Variants in CARMIL1 observed in about 807,000 individuals in gnomAD.
CARMIL1 encodes the protein capping protein regulator and myosin 1 linker 1.
In CARMIL1, 90 loss-of-function variants were observed where a neutral mutation model predicts 177.1. That is an observed-to-expected ratio of 0.51 (90% CI 0.43 to 0.61). The LOEUF (loss-of-function observed/expected upper bound fraction) is 0.61, where lower values mean the gene tolerates loss of function less well. Ranked by LOEUF, CARMIL1 falls within the 20% of genes least tolerant of loss-of-function variation. The pLI, the probability that CARMIL1 is intolerant of heterozygous loss-of-function variation, is 0.00. For missense variants in CARMIL1, 1,380 were observed against 1,667.0 expected (o/e 0.83, Z 3.00); for synonymous variants, 577 against 606.2 (o/e 0.95, Z 0.71).
chr6:25,535,560 T>C (rs1808211058), intron 24 of CARMIL1, among the ~76,000 whole-genome samples: 1 of 152,170 alleles, frequency 6.6e-6, no homozygotes, highest in African/African-American at 2.4e-5. Context: ...TGTATTGCTT[T>C]AGAGAAACTG....
chr6:25,452,444 A>G (rs1196506106), intron 8 of CARMIL1: 7 of 500,962 alleles, frequency 1.4e-5, no homozygotes, highest in Non-Finnish European at 2.5e-5. Context: ...GTTTGGTCTC[A>G]GCGTTTTTGG....
chr6:25,326,799 AAGG>A lies in CARMIL1; in HGVS notation c.138+41893_138+41895del, dbSNP rs943207070. On this transcript the variant is annotated intron_variant, in intron 2 of 36. Coordinates refer to ENST00000329474, the MANE Select transcript of CARMIL1 (RefSeq NM_017640.6). The surrounding 1 kb of genome is among the most constrained non-coding windows in gnomAD (Gnocchi z 4.2). The stretch of plus-strand genomic sequence containing the variant: ...CTTTTGTATATGGGAGCTGAGGAAA[AAGG>A]AGAAATCAGAAATATTATTATTATT... 2.7e-4 allele frequency among the ~76,000 whole-genome samples: 41 copies of A among 152,094 alleles called. No individual in the cohort carries two copies. Among genetic ancestry groups the A allele is most frequent in the African/African-American group, 9.4e-4 (39 of 41,456 alleles).
At chr6:25,592,041 T>G (rs537284794) in intron 31 of CARMIL1, among the ~76,000 whole-genome samples, 33 of 151,582 alleles carry the variant, frequency 2.2e-4, no homozygotes, top group Non-Finnish European at 4.6e-4. Flanking sequence ...AAAACTTTGT[T>G]TTTTTTTTGT....
At chr6:25,429,235 A>G (rs1002323517) in intron 4 of CARMIL1, among the ~76,000 whole-genome samples, 3 of 152,176 alleles carry the variant, frequency 2.0e-5, no homozygotes, top group African/African-American at 7.2e-5. Flanking sequence ...TAGATTTCCA[A>G]TGTCCAAGGG....
At chr6:25,359,704 T>G (rs1482615811) in intron 2 of CARMIL1, among the ~76,000 whole-genome samples, 2 of 152,206 alleles carry the variant, frequency 1.3e-5, no homozygotes, top group Non-Finnish European at 2.9e-5. Context: ...AATCATTTCC[T>G]GTGGGTGCAC....
chr6:25,481,588 A>G (rs546805261), intron 11 of CARMIL1, among the ~76,000 whole-genome samples: 1 of 152,276 alleles, frequency 6.6e-6, no homozygotes, highest in East Asian at 1.9e-4. Context: ...TGTATTACTT[A>G]TTTCCTCCCA....
chr6:25,603,905 C>T (rs1815673640), intron 33 of CARMIL1, among the ~76,000 whole-genome samples: 1 of 152,080 alleles, frequency 6.6e-6, no homozygotes, highest in African/African-American at 2.4e-5. Flanking sequence ...CTCCCACCTG[C>T]AGATTTTTAA....
chr6:25,597,033 G>A (rs1484116594), intron 32 of CARMIL1, among the ~76,000 whole-genome samples: 1 of 152,130 alleles, frequency 6.6e-6, no homozygotes, highest in Non-Finnish European at 1.5e-5. Context: ...TCATGGTTCT[G>A]GAAGCTGGGA....
Position 25,619,999 on chromosome 6 carries a change from G to A in CARMIL1, c.*416G>A, listed in dbSNP as rs73733304. ...CACAAGTAACACCACAGCAGACCTC[G>A]GAGTACTGCTAAGTGTACCTGTGTC... On this transcript the variant is annotated 3_prime_UTR_variant, in exon 37 of 37. Coordinates refer to ENST00000329474, the MANE Select transcript of CARMIL1 (RefSeq NM_017640.6). 8.3e-3 allele frequency: 1,286 copies of A among 155,786 alleles called. 17 individuals carry two copies. The highest frequency in any genetic ancestry group is 0.027 in the African/African-American group (1,126 of 41,508). The allele number at this position is 155,786 out of a possible 1,614,324, so 9.7% of individuals were successfully genotyped here. A position where few individuals can be genotyped will look rare whatever the true frequency, so the allele number is the denominator to read the frequency against.
At chr6:25,322,292 T>G (rs1327336643) in intron 2 of CARMIL1, among the ~76,000 whole-genome samples, 2 of 152,018 alleles carry the variant, frequency 1.3e-5, no homozygotes, top group African/African-American at 4.8e-5. Context: ...CCGGCTAATT[T>G]TTGTATTTTT....
chr6:25,311,039 G>A (rs1213530233), intron 2 of CARMIL1, among the ~76,000 whole-genome samples: 2 of 150,024 alleles, frequency 1.3e-5, no homozygotes, highest in Non-Finnish European at 2.9e-5. Flanking sequence ...AAAACTGGCC[G>A]GGTGTGGTGG....
At chr6:25,604,538 G>T (rs1011005986) in intron 33 of CARMIL1, among the ~76,000 whole-genome samples, 1 of 152,056 alleles carries the variant, frequency 6.6e-6, no homozygotes, top group Non-Finnish European at 1.5e-5. Context: ...ACTTTCCCTG[G>T]CCCCATGCAC....
At chr6:25,435,642 C>T in intron 5 of CARMIL1, 38 bp downstream of exon 5, 1 of 1,537,534 alleles carries the variant, frequency 6.5e-7, no homozygotes, top group South Asian at 1.2e-5. Flanking sequence ...AGCAAAGAAC[C>T]TGTTCTTCCT....
At chr6:25,339,938 T>C (rs1786724847) in intron 2 of CARMIL1, among the ~76,000 whole-genome samples, 1 of 152,214 alleles carries the variant, frequency 6.6e-6, no homozygotes, top group Admixed American at 6.5e-5. Flanking sequence ...TTTATTAAAA[T>C]AGAATTGGCT....
intron 11 of CARMIL1, among the ~76,000 whole-genome samples, chr6:25,473,888 C>T (rs1416656959): frequency 6.6e-6 from 1 of 152,120 alleles, no homozygotes; most frequent in Non-Finnish European, 1.5e-5. Context: ...AGAGTCAGAA[C>T]ATTTTATTAA....
At chr6:25,372,244 T>C (rs936697753) in intron 2 of CARMIL1, among the ~76,000 whole-genome samples, 7 of 150,148 alleles carry the variant, frequency 4.7e-5, no homozygotes, top group African/African-American at 1.7e-4. Flanking sequence ...AGGTTCTTTT[T>C]GGTTCCATAT....
chr6:25,601,137 G>A (rs1883261), intron 33 of CARMIL1, among the ~76,000 whole-genome samples: 68,923 of 151,948 alleles, frequency 0.45, 15,833 homozygotes, highest in South Asian at 0.54. Context: ...TTTTGCCCTC[G>A]CTGGGTTTAT....
intron 31 of CARMIL1, among the ~76,000 whole-genome samples, chr6:25,593,695 T>C (rs1365275821): frequency 3.3e-5 from 5 of 152,164 alleles, no homozygotes; most frequent in Non-Finnish European, 5.9e-5. Flanking sequence ...GGCCTCCCCA[T>C]TTGGTGAATG....
At chr6:25,462,716 C>T (rs140530708) in intron 8 of CARMIL1, among the ~76,000 whole-genome samples, 386 of 152,322 alleles carry the variant, frequency 2.5e-3, no homozygotes, top group African/African-American at 8.7e-3. Flanking sequence ...TACTTGCTGT[C>T]CTGCTGTGCT....
Sources: gnomAD v4.1 joint callset for allele counts (sites outside exome capture counted in the v4.1 genomes callset) on GRCh38, gnomAD v4.1.1 for gene constraint, Gnocchi (gnomAD v3.1) non-coding constraint, MANE v1.5 for transcripts, NCBI Gene and HGNC (gene_info 2026-07-23, HGNC 2026-07-21) for gene names.